Variants in RMND1 observed in about 807,000 individuals in gnomAD.
RMND1 encodes required for meiotic nuclear division protein 1 homolog.
Under a neutral mutation model 54.0 loss-of-function variants are expected in RMND1, and 41 were observed. The ratio of observed to expected loss-of-function variants is 0.76; its 90% CI spans 0.59 to 0.98. RMND1 has a LOEUF of 0.98. RMND1 is among the 50% of genes least tolerant of loss of function. RMND1 has a pLI of 0.00. For missense variants in RMND1, 457 were observed against 532.0 expected (o/e 0.86, Z 1.39); for synonymous variants, 183 against 181.7 (o/e 1.01, Z -0.06).
chr6:151,433,506 CAA>C (rs2114954338), intron 3 of RMND1, among the ~76,000 whole-genome samples: 1 of 152,202 alleles, frequency 6.6e-6, no homozygotes, highest in East Asian at 1.9e-4. Flanking sequence ...CATTTTGATT[CAA>C]TAATCACTAG....
At chr6:151,414,848 G>A (rs557689796) in intron 10 of RMND1, among the ~76,000 whole-genome samples, 5 of 152,192 alleles carry the variant, frequency 3.3e-5, no homozygotes, top group East Asian at 1.9e-4. Context: ...GCAGATTTCC[G>A]TCAGAAACCA....
intron 3 of RMND1, chr6:151,436,193 G>C (rs1780606162): frequency 2.8e-6 from 1 of 359,512 alleles, no homozygotes; most frequent in Non-Finnish European, 5.2e-6. Context: ...GAAGTAGTAT[G>C]ACCTCTGACC....
Position 151,427,237 on chromosome 6 carries a change from G to A in RMND1, c.830+245C>T, listed in dbSNP as rs151126528. On this transcript the variant is annotated intron_variant, in intron 6 of 11. Transcript: ENST00000444024. The stretch of plus-strand genomic sequence containing the variant: ...TAAAAATACAAAAAATTAGCTGGGC[G>A]TGGTGGTGCACACCTGTAGTCCCAC... 9.6e-3 allele frequency among the ~76,000 whole-genome samples: 1,462 copies of A among 152,120 alleles called. 17 individuals carry two copies. The highest frequency in any genetic ancestry group is 0.024 in the Middle Eastern group (7 of 294).
At chr6:151,430,032 G>T in intron 5 of RMND1, 106 bp downstream of exon 5, 1 of 710,086 alleles carries the variant, frequency 1.4e-6, no homozygotes, top group Non-Finnish European at 2.5e-6. Flanking sequence ...CAAATAAGTT[G>T]TGCATAATCT....
At chr6:151,451,434 A>G (rs6906667) in intron 1 of RMND1, among the ~76,000 whole-genome samples, 19,723 of 152,162 alleles carry the variant, frequency 0.13, 1,593 homozygotes, top group East Asian at 0.38. Context: ...TTGCATTGGG[A>G]GTGACAGACA....
chr6:151,407,451 A>C lies in RMND1; in HGVS notation c.1201-1615T>G, dbSNP rs372921918. ...ATTTTCTTTCAACTTGGGCCAAAAA[A>C]CAGGCAACATTTTCTTCCTCCACTA... On this transcript the variant is annotated intron_variant, in intron 10 of 11. Coordinates refer to ENST00000444024, the MANE Select transcript of RMND1 (RefSeq NM_017909.4). 5.9e-4 allele frequency among the ~76,000 whole-genome samples: 90 copies of C among 152,252 alleles called. 3 individuals are homozygous for C. In the South Asian group the frequency reaches 0.017, roughly 28 times the overall value.
At position 151,405,009 on chromosome 6, in the gene RMND1, C is replaced by A; in HGVS notation, c.*226G>T. The A allele has an allele frequency of 2.2e-6, 1 of 446,062 alleles. No individual in the cohort carries two copies. The highest frequency in any genetic ancestry group is 2.6e-5 in the South Asian group (1 of 37,902). 27.6% of individuals were successfully genotyped at this position (446,062 alleles called of 1,614,324 possible). ...TCAGCCTCCTGAGTAGCTGAGATGA[C>A]GGGCGTGTGCCAACACACCTGGCTA... On this transcript the variant is annotated 3_prime_UTR_variant, in exon 12 of 12. Coordinates refer to ENST00000444024, the MANE Select transcript of RMND1 (RefSeq NM_017909.4).
chr6:151,434,226 A>G (rs1780534301), intron 3 of RMND1, among the ~76,000 whole-genome samples: 1 of 152,180 alleles, frequency 6.6e-6, no homozygotes, highest in Non-Finnish European at 1.5e-5. Flanking sequence ...GATATTTATC[A>G]TAAGCATATA....
chr6:151,437,935 TAGAAAA>T (rs1582964176), intron 2 of RMND1, among the ~76,000 whole-genome samples: 1 of 152,136 alleles, frequency 6.6e-6, no homozygotes, highest in East Asian at 1.9e-4. Flanking sequence ...CTAATCCAAT[TAGAAAA>T]AAAGTCAGAC....
At chr6:151,414,989 C>A (rs1779958867) in intron 10 of RMND1, among the ~76,000 whole-genome samples, 2 of 150,388 alleles carry the variant, frequency 1.3e-5, no homozygotes, top group Admixed American at 6.6e-5. Context: ...CAGATGAAGA[C>A]AAACTAAGAG....
At chr6:151,410,155 C>T (rs192784221) in intron 10 of RMND1, among the ~76,000 whole-genome samples, 385 of 151,756 alleles carry the variant, frequency 2.5e-3, no homozygotes, top group African/African-American at 8.0e-3. Context: ...CCCGGGTTCA[C>T]GCCATTCTCC....
chr6:151,405,147 G>T lies in RMND1; in HGVS notation c.*88C>A. The T allele has an allele frequency of 8.4e-7, 1 of 1,187,960 alleles. No homozygotes were observed. Among genetic ancestry groups the T allele is most frequent in the Non-Finnish European group, 1.2e-6 (1 of 800,614 alleles). 73.6% of individuals were successfully genotyped at this position (1,187,960 alleles called of 1,614,324 possible). On this transcript the variant is annotated 3_prime_UTR_variant, in exon 12 of 12. Coordinates refer to ENST00000444024, the MANE Select transcript of RMND1 (RefSeq NM_017909.4). ...GGCCTCCGAAAGTGCTGGGATTACA[G>T]GCATGAGGCACCGCGCCGGGCCGAA...
chr6:151,415,585 C>G (rs375478774), intron 10 of RMND1, among the ~76,000 whole-genome samples: 1 of 151,734 alleles, frequency 6.6e-6, no homozygotes. Context: ...ACATACAGAT[C>G]GAGACCATCC....
intron 10 of RMND1, among the ~76,000 whole-genome samples, chr6:151,412,785 G>A (rs1473456158): frequency 2.0e-5 from 3 of 152,136 alleles, no homozygotes; most frequent in Admixed American, 6.5e-5. Flanking sequence ...GAAGAAGAGC[G>A]AACAAGGGGA....
At chr6:151,425,301 T>C (rs1780262378) in intron 6 of RMND1, among the ~76,000 whole-genome samples, 1 of 152,112 alleles carries the variant, frequency 6.6e-6, no homozygotes, top group African/African-American at 2.4e-5. Flanking sequence ...ATCCCTGGAA[T>C]CATGGCAGAA....
At chr6:151,410,675 A>G (rs1348070017) in intron 10 of RMND1, among the ~76,000 whole-genome samples, 1 of 152,182 alleles carries the variant, frequency 6.6e-6, no homozygotes, top group African/African-American at 2.4e-5. Context: ...GATTACTCCA[A>G]TTGATTAATT....
At chr6:151,417,752 C>A (rs984742718) in intron 9 of RMND1, among the ~76,000 whole-genome samples, 1 of 151,838 alleles carries the variant, frequency 6.6e-6, no homozygotes, top group African/African-American at 2.4e-5. Flanking sequence ...CAAATTAATT[C>A]AATCTTTAAT....
intron 2 of RMND1, among the ~76,000 whole-genome samples, chr6:151,440,069 G>A (rs1404731145): frequency 1.3e-5 from 2 of 151,986 alleles, no homozygotes; most frequent in East Asian, 1.9e-4. Context: ...TGATTATCCC[G>A]CCTCAACCTC....
intron 3 of RMND1, 145 bp from the exon 4 acceptor site, chr6:151,433,375 T>C: frequency 2.1e-6 from 1 of 484,598 alleles, no homozygotes; most frequent in Non-Finnish European, 3.6e-6. Flanking sequence ...ATCTTTCTAC[T>C]AAGGCCTCTG....
Sources: gnomAD v4.1 joint callset for allele counts (sites outside exome capture counted in the v4.1 genomes callset) on GRCh38, gnomAD v4.1.1 for gene constraint, MANE v1.5 for transcripts, NCBI Gene and HGNC (gene_info 2026-07-23, HGNC 2026-07-21) for gene names.